HYCC1: variants seen among roughly 807,000 people sequenced by gnomAD.
HYCC1 encodes the protein hyccin PI4KA lipid kinase complex subunit 1, also known as hyccin.
the HYCC1 span, among the ~76,000 whole-genome samples, chr7:23,000,856 G>C: frequency 6.6e-6 from 1 of 151,136 alleles, no homozygotes; most frequent in Admixed American, 6.6e-5. Context: ...AGACCTCGGA[G>C]GACAGCAGAA....
At chr7:22,900,546 T>C in the HYCC1 span, among the ~76,000 whole-genome samples, 2 of 152,236 alleles carry the variant, frequency 1.3e-5, no homozygotes, top group Non-Finnish European at 2.9e-5. Flanking sequence ...TTTGAAGCAC[T>C]GTATTAAAAA....
chr7:22,961,459 G>A, the HYCC1 span: 2 of 528,354 alleles, frequency 3.8e-6, no homozygotes, highest in Non-Finnish European at 6.6e-6. Flanking sequence ...TCTTAAAAAT[G>A]TATCTTTAAA....
the HYCC1 span, chr7:22,964,509 G>A: frequency 6.2e-7 from 1 of 1,603,146 alleles, no homozygotes; most frequent in Non-Finnish European, 8.5e-7. Flanking sequence ...ACATGTTGTC[G>A]AGGATATCCA....
At chr7:22,979,289 A>C in the HYCC1 span, among the ~76,000 whole-genome samples, 2 of 152,242 alleles carry the variant, frequency 1.3e-5, no homozygotes, top group Non-Finnish European at 2.9e-5. Flanking sequence ...GTATAACAAA[A>C]GTTATACTTC....
At chr7:22,978,213 A>G in the HYCC1 span, 3 of 1,489,222 alleles carry the variant, frequency 2.0e-6, no homozygotes, top group East Asian at 6.8e-5. Flanking sequence ...GCAGTTGCAC[A>G]GGTTATATAT....
the HYCC1 span, among the ~76,000 whole-genome samples, chr7:22,914,717 C>T: frequency 6.6e-6 from 1 of 152,112 alleles, no homozygotes; most frequent in African/African-American, 2.4e-5. Flanking sequence ...CGGTCTCCAC[C>T]TCAAGCTCTG....
At chr7:23,012,659 A>C in the HYCC1 span, among the ~76,000 whole-genome samples, 2 of 152,152 alleles carry the variant, frequency 1.3e-5, no homozygotes, top group African/African-American at 2.4e-5. Context: ...TTAGACTACT[A>C]TTCATCCTGT....
At chr7:22,976,548 G>C in the HYCC1 span, 635 of 694,188 alleles carry the variant, frequency 9.1e-4, 9 homozygotes, top group South Asian at 0.01. Flanking sequence ...GACAAATCTA[G>C]ATCTGTTTTT....
At chr7:22,896,365 A>G in the HYCC1 span, among the ~76,000 whole-genome samples, 19 of 152,310 alleles carry the variant, frequency 1.2e-4, no homozygotes, top group South Asian at 3.5e-3. Flanking sequence ...GTTATTTCTG[A>G]GCTAATCCTA....
At chr7:23,013,912 C>T in the HYCC1 span, 1 of 468,408 alleles carries the variant, frequency 2.1e-6, no homozygotes, top group Non-Finnish European at 4.4e-6. Flanking sequence ...GTGGGTCTCT[C>T]GGCTGGACTC....
chr7:22,986,150 G>T, the HYCC1 span, among the ~76,000 whole-genome samples: 1 of 151,904 alleles, frequency 6.6e-6, no homozygotes, highest in East Asian at 1.9e-4. Context: ...AACACCCAAA[G>T]GCAAAAAGAC....
chr7:22,971,894 C>A, the HYCC1 span, among the ~76,000 whole-genome samples: 2 of 152,012 alleles, frequency 1.3e-5, no homozygotes, highest in Non-Finnish European at 2.9e-5. Flanking sequence ...ATCATGCTCA[C>A]GTAGTTGGAG....
At chr7:22,934,323 C>CT in the HYCC1 span, 16 of 145,844 alleles carry the variant, frequency 1.1e-4, no homozygotes, top group African/African-American at 4.1e-4. Flanking sequence ...TCCTGTCTTA[C>CT]TAGGATCTCT....
chr7:22,907,104 C>CAAAAAAAAAAA, the HYCC1 span, among the ~76,000 whole-genome samples: 146 of 43,544 alleles, frequency 3.4e-3, 9 homozygotes, highest in African/African-American at 9.9e-3. Context: ...GACTCTATCT[C>CAAAAAAAAAAA]AAAAAAAAAA....
At chr7:22,961,754 C>A in the HYCC1 span, among the ~76,000 whole-genome samples, 1 of 152,052 alleles carries the variant, frequency 6.6e-6, no homozygotes, top group East Asian at 1.9e-4. Flanking sequence ...GTAGTTATTT[C>A]TTTGCATTCT....
the HYCC1 span, among the ~76,000 whole-genome samples, chr7:22,932,624 G>A: frequency 6.6e-6 from 1 of 152,116 alleles, no homozygotes; most frequent in African/African-American, 2.4e-5. Context: ...TTTTGATAAT[G>A]AGATTTAGGA....
the HYCC1 span, among the ~76,000 whole-genome samples, chr7:22,912,987 G>A: frequency 2.0e-5 from 3 of 152,120 alleles, no homozygotes; most frequent in Non-Finnish European, 4.4e-5. Context: ...AGCTGGGTGT[G>A]GTGGTGGGCG....
At chr7:22,924,278 C>T in the HYCC1 span, among the ~76,000 whole-genome samples, 1 of 152,028 alleles carries the variant, frequency 6.6e-6, no homozygotes, top group East Asian at 1.9e-4. Flanking sequence ...CGGGTGATTT[C>T]CGCATTTCCA....
chr7:22,906,147 G>T, the HYCC1 span, among the ~76,000 whole-genome samples: 1 of 152,082 alleles, frequency 6.6e-6, no homozygotes, highest in African/African-American at 2.4e-5. Flanking sequence ...GAACAGCATT[G>T]ATACTTGCTA....
Sources: allele counts gnomAD v4.1 joint callset (sites outside exome capture counted in the v4.1 genomes callset), GRCh38; gene constraint gnomAD v4.1.1; transcripts MANE v1.5; gene names NCBI Gene and HGNC (gene_info 2026-07-23, HGNC 2026-07-21).